Variants in HAS3 observed in about 807,000 individuals in gnomAD.
HAS3 encodes the protein hyaluronan synthase 3.
Under a neutral mutation model 50.3 loss-of-function variants are expected in HAS3, and 27 were observed. The ratio of observed to expected loss-of-function variants is 0.54; its 90% CI spans 0.40 to 0.74. The LOEUF is 0.74. HAS3 is among the 30% of genes least tolerant of loss of function. The probability of loss-of-function intolerance (pLI) is 0.00; values close to 1 mark genes in which losing one functional copy is unlikely to be tolerated. For synonymous variants in HAS3, 339 were observed against 310.9 expected, an observed-to-expected ratio of 1.09 and a Z score of -0.95; for missense variants, 517 against 742.8, an observed-to-expected ratio of 0.70 and a Z score of 3.53.
the HAS3 span, among the ~76,000 whole-genome samples, chr16:69,090,024 G>A: frequency 6.6e-6 from 1 of 152,162 alleles, no homozygotes; most frequent in African/African-American, 2.4e-5. Context: ...CTGCTGGGTC[G>A]CAGCCAGGAG....
At chr16:69,111,157 A>ATTTTT (rs71148963) in intron 2 of HAS3, among the ~76,000 whole-genome samples, 897 of 62,284 alleles carry the variant, frequency 0.014, 146 homozygotes, top group African/African-American at 0.018. Context: ...CTAGGCCAGG[A>ATTTTT]TTTTTTTTTT....
In HAS3 at chr16:69,107,542, G is replaced by A; in HGVS notation, c.-1+1755G>A. On this transcript the variant is annotated intron_variant, in intron 1 of 3. Coordinates refer to ENST00000569188, the MANE Select transcript of HAS3 (RefSeq NM_001199280.2). The surrounding 1 kb of genome is among the most constrained non-coding windows in gnomAD (Gnocchi z 5.5). ...CGAGCGGGGATGAGAAGCGTGGCGA[G>A]TGCGTTCGCGGCTGCTTTGACCTGG... The A allele has an allele frequency of 1.0e-6, 1 of 985,542 alleles. No homozygotes were observed. Among genetic ancestry groups the A allele is most frequent in the South Asian group, 4.7e-5 (1 of 21,294 alleles). The allele number at this position is 985,542 out of a possible 1,614,324, so 61.0% of individuals were successfully genotyped here.
chr16:69,113,055 T>G (rs2152259122), intron 2 of HAS3, among the ~76,000 whole-genome samples: 1 of 152,278 alleles, frequency 6.6e-6, no homozygotes. Flanking sequence ...TGGGGTCACT[T>G]AAGGCCATAT....
chr16:69,092,729 G>A, the HAS3 span, among the ~76,000 whole-genome samples: 4 of 152,032 alleles, frequency 2.6e-5, no homozygotes, highest in South Asian at 4.2e-4. Context: ...AGCCAGGCAC[G>A]GTGGTTTGTA....
At chr16:69,088,087 G>T in the HAS3 span, among the ~76,000 whole-genome samples, 2 of 152,094 alleles carry the variant, frequency 1.3e-5, no homozygotes, top group Non-Finnish European at 2.9e-5. Context: ...GAGCCAGTGT[G>T]CCAGGGACTG....
the HAS3 span, among the ~76,000 whole-genome samples, chr16:69,096,077 A>G: frequency 5.3e-5 from 8 of 151,618 alleles, no homozygotes; most frequent in African/African-American, 1.9e-4. Flanking sequence ...TTAGCCGGGC[A>G]CACTGGTGCG....
chr16:69,094,741 C>A, the HAS3 span, among the ~76,000 whole-genome samples: 1 of 152,278 alleles, frequency 6.6e-6, no homozygotes, highest in Non-Finnish European at 1.5e-5. Flanking sequence ...CTCCTACAGA[C>A]AAGGGCTGGC....
Position 69,109,325 on chromosome 16 carries a change from ACACCCATGCTCC to A in HAS3, c.1-67_1-56del. ...GGGTCATGTCCACTAGTAACAGAGA[ACACCCATGCTCC>A]CACGGACTGGAAATGCTGCCTCCTG... On this transcript the variant is annotated intron_variant, in intron 1 of 3. Coordinates refer to ENST00000569188, the MANE Select transcript of HAS3 (RefSeq NM_001199280.2). This position sits in a 1 kb window ranked among gnomAD's most constrained non-coding sequence, Gnocchi z 5.3. The A allele has an allele frequency of 3.4e-6, 5 of 1,463,188 alleles. No individual in the cohort carries two copies. In the South Asian group the frequency reaches 5.2e-5, roughly 15 times the overall value. The allele number at this position is 1,463,188 out of a possible 1,614,324, so 90.6% of individuals were successfully genotyped here.
At chr16:69,111,460 A>C (rs1597096584) in intron 2 of HAS3, among the ~76,000 whole-genome samples, 1 of 152,174 alleles carries the variant, frequency 6.6e-6, no homozygotes, top group East Asian at 1.9e-4. Flanking sequence ...GGTGCTGCCC[A>C]TCACTTGATC....
At chr16:69,097,250 G>A in the HAS3 span, among the ~76,000 whole-genome samples, 1 of 152,114 alleles carries the variant, frequency 6.6e-6, no homozygotes, top group African/African-American at 2.4e-5. Context: ...GCCGAGGCAG[G>A]TGGATCACAA....
the HAS3 span, among the ~76,000 whole-genome samples, chr16:69,092,932 C>T: frequency 2.0e-5 from 3 of 152,118 alleles, no homozygotes; most frequent in African/African-American, 4.8e-5. Context: ...GTGAAAGCTC[C>T]GCAGCCCACC....
Position 69,117,373 on chromosome 16 carries a change from CG to C in HAS3, c.*2108del. On this transcript the variant is annotated 3_prime_UTR_variant, in exon 4 of 4. Transcript: ENST00000569188. ...GCAGGTACAGGTAGTGGGCTCACAA[CG>C]TTTGACCTCGACTGGTTTTTCTAAG... 2.0e-6 allele frequency: 2 copies of C among 985,790 alleles called. No individual in the cohort carries two copies. Among genetic ancestry groups the C allele is most frequent in the Non-Finnish European group, 2.4e-6 (2 of 829,856 alleles). The allele number at this position is 985,790 out of a possible 1,614,324, so 61.1% of individuals were successfully genotyped here.
Position 69,116,092 on chromosome 16 carries a change from A to G in HAS3, c.*826A>G. The G allele has an allele frequency of 1.0e-6, 1 of 985,574 alleles. No homozygotes were observed. Among genetic ancestry groups the G allele is most frequent in the East Asian group, 1.1e-4 (1 of 8,824 alleles). The allele number at this position is 985,574 out of a possible 1,614,324, so 61.1% of individuals were successfully genotyped here. On this transcript the variant is annotated 3_prime_UTR_variant, in exon 4 of 4. Coordinates refer to ENST00000569188, the MANE Select transcript of HAS3 (RefSeq NM_001199280.2). ...GGAGATAAAAAGATTAAGCCCCAAC[A>G]TGTTCAGAAAAGAAGTGAAGTCTTG...
rs755789849 is a variant in HAS3, at chr16:69,109,379, C to A, written c.1-17C>A. ...TGCCTCCTGCCTGACCCTTCATCTC[C>A]TGCCTTCTCTCGCCAGATGCCGGTG... On this transcript the variant is annotated splice_polypyrimidine_tract_variant and intron_variant, in intron 1 of 3. Coordinates refer to ENST00000569188, the MANE Select transcript of HAS3 (RefSeq NM_001199280.2). This position sits in a 1 kb window ranked among gnomAD's most constrained non-coding sequence, Gnocchi z 5.3. The A allele has an allele frequency of 6.3e-7, 1 of 1,585,940 alleles. No homozygotes were observed.
downstream of HAS3, chr16:69,117,665 G>T (rs552395930): frequency 2.1e-5 from 20 of 963,112 alleles, no homozygotes; most frequent in African/African-American, 3.6e-4. Context: ...CGGTTATCTC[G>T]AAACTACTAC....
chr16:69,103,505 C>A (rs918236576), upstream of HAS3, among the ~76,000 whole-genome samples: 1 of 152,164 alleles, frequency 6.6e-6, no homozygotes, highest in South Asian at 2.1e-4. Context: ...AAGTGATTCT[C>A]CTGCCTCAGC....
the HAS3 span, among the ~76,000 whole-genome samples, chr16:69,099,967 C>T: frequency 6.6e-6 from 1 of 152,106 alleles, no homozygotes; most frequent in South Asian, 2.1e-4. Flanking sequence ...CTAATCCTGA[C>T]CTTCAAGCCA....
chr16:69,106,092 G>A lies in HAS3; in HGVS notation c.-1+305G>A, dbSNP rs1479563314. The stretch of plus-strand genomic sequence containing the variant: ...GGCTTGTGGCGCTCCCTGGGACCGC[G>A]CGGGGTCGGGGGTGCGCCCGCGGGG... On this transcript the variant is annotated intron_variant, in intron 1 of 3. Transcript: ENST00000569188. This position sits in a 1 kb window ranked among gnomAD's most constrained non-coding sequence, Gnocchi z 5.5. Among the ~76,000 whole-genome samples the A allele has an allele frequency of 1.1e-4, 17 of 152,202 alleles. No homozygotes were observed. The East Asian group carries it at 3.3e-3, about 30-fold the overall frequency.
intron 2 of HAS3, among the ~76,000 whole-genome samples, chr16:69,111,285 T>C (rs1960993823): frequency 6.7e-6 from 1 of 149,614 alleles, no homozygotes; most frequent in Admixed American, 6.7e-5. Context: ...TTGGTCAGGC[T>C]GGTCTTGAAC....
Sources: allele counts gnomAD v4.1 joint callset (sites outside exome capture counted in the v4.1 genomes callset), GRCh38; gene constraint gnomAD v4.1.1; non-coding constraint Gnocchi (gnomAD v3.1); transcripts MANE v1.5; gene names NCBI Gene and HGNC (gene_info 2026-07-23, HGNC 2026-07-21).